The following DOCK5 variants were observed in gnomAD, a reference collection of about 807,000 sequenced individuals.
DOCK5 encodes the protein dedicator of cytokinesis 5.
A neutral mutation model predicts 251.8 loss-of-function variants in DOCK5; 142 were observed. The ratio of observed to expected loss-of-function variants is 0.56; its 90% CI spans 0.49 to 0.65. The LOEUF (loss-of-function observed/expected upper bound fraction) is 0.65, where lower values mean the gene tolerates loss of function less well. DOCK5 is among the 30% of genes least tolerant of loss of function. The probability of loss-of-function intolerance (pLI) is 0.00; values close to 1 mark genes in which losing one functional copy is unlikely to be tolerated. For missense variants in DOCK5, 2,111 were observed against 2,312.3 expected, an observed-to-expected ratio of 0.91 and a Z score of 1.79; for synonymous variants, 842 against 835.5, an observed-to-expected ratio of 1.01 and a Z score of -0.13.
intron 1 of DOCK5, among the ~76,000 whole-genome samples, chr8:25,239,617 C>G (rs991505640): frequency 1.3e-5 from 2 of 151,986 alleles, no homozygotes; most frequent in Admixed American, 1.3e-4. Context: ...ATGAGGTCTG[C>G]CAAACTAGCA....
At chr8:25,188,596 G>C (rs1432072797) in intron 1 of DOCK5, among the ~76,000 whole-genome samples, 1 of 152,198 alleles carries the variant, frequency 6.6e-6, no homozygotes, top group African/African-American at 2.4e-5. Flanking sequence ...TTTCTACAGG[G>C]ACTGAAATGC....
chr8:25,401,151 G>A, intron 47 of DOCK5, 85 bp downstream of exon 47: 7 of 1,548,720 alleles, frequency 4.5e-6, no homozygotes, highest in Non-Finnish European at 6.2e-6. Flanking sequence ...GATGCCAAGT[G>A]AGTTGTAATA....
rs773467903 is a variant in DOCK5 at position 25,372,613 on chromosome 8, C to T, written c.3579C>T (p.Phe1193=). The change falls in exon 35 of 52, where the codon TTC becomes TTT. Residue 1193 remains phenylalanine (F), a synonymous_variant. Transcript: ENST00000276440. ...HKYLSSSGEV[F]ALLVSSLLEN... is the part of the protein sequence containing the mutation. ...ACCTCTCCAGCTCTGGGGAGGTCTTCGCCCTCCTGGTCAGCAGCCTCTTAG... is the reference window on the plus strand; with the variant it reads ...ACCTCTCCAGCTCTGGGGAGGTCTTTGCCCTCCTGGTCAGCAGCCTCTTAG... 22 of 1,605,266 alleles carry T rather than the reference C, an allele frequency of 1.4e-5. No homozygotes were observed. Among genetic ancestry groups the T allele is most frequent in the South Asian group, 2.2e-5 (2 of 89,324 alleles).
chr8:25,368,769 G>A, intron 33 of DOCK5, 44 bp downstream of exon 33: 1 of 1,571,278 alleles, frequency 6.4e-7, no homozygotes, highest in Non-Finnish European at 8.7e-7. Context: ...TGGACATATA[G>A]TCAAATCATA....
Position 25,412,078 on chromosome 8 carries a change from C to CTTTTTTTTTTTTTTTTTTTTTTT in DOCK5, c.*781_*803dup, listed in dbSNP as rs56131241. The CTTTTTTTTTTTTTTTTTTTTTTT allele has an allele frequency of 2.4e-5, 2 of 82,846 alleles. No homozygotes were observed. Among genetic ancestry groups the CTTTTTTTTTTTTTTTTTTTTTTT allele is most frequent in the Non-Finnish European group, 4.2e-5 (2 of 47,912 alleles). The allele number at this position is 82,846 out of a possible 1,614,324, so 5.1% of individuals were successfully genotyped here. ...GAAGCTCTTCCTTTTGCACATACGG[C>CTTTTTTTTTTTTTTTTTTTTTTT]TTTTTTTTTTTTTTTTTTTTTTTGT... On this transcript the variant is annotated 3_prime_UTR_variant, in exon 52 of 52. Transcript: ENST00000276440.
intron 3 of DOCK5, chr8:25,271,230 T>C (rs1563332852): frequency 6.1e-6 from 1 of 164,354 alleles, no homozygotes. Flanking sequence ...AATCTCACCC[T>C]TCAGAAGAAA....
In DOCK5 at chr8:25,292,021, T is replaced by G. The variant is rs777352176; in HGVS notation, c.322-3T>G. 12 of 1,581,900 alleles carry G rather than the reference T, an allele frequency of 7.6e-6. No individual in the cohort carries two copies. Among genetic ancestry groups the G allele is most frequent in the Non-Finnish European group, 1.0e-5 (12 of 1,165,048 alleles). On this transcript the variant is annotated splice_region_variant and splice_polypyrimidine_tract_variant and intron_variant, in intron 5 of 51. Coordinates refer to ENST00000276440, the MANE Select transcript of DOCK5 (RefSeq NM_024940.8). ...TTTTCTTCATCATATTTTCTCATCTTAGAACAACAAGCTCACCCTCTTCCG... is the reference window on the plus strand; with the variant it reads ...TTTTCTTCATCATATTTTCTCATCTGAGAACAACAAGCTCACCCTCTTCCG...
At position 25,268,561 on chromosome 8, in the gene DOCK5, G is replaced by GT. The variant is rs1040237074; in HGVS notation, c.128-276dup. 1.6e-4 allele frequency among the ~76,000 whole-genome samples: 25 copies of GT among 151,878 alleles called. No homozygotes were observed. The East Asian group carries it at 2.9e-3, about 18-fold the overall frequency. On this transcript the variant is annotated intron_variant, in intron 2 of 51. Transcript: ENST00000276440. ...TGATAAGAAACGGGCTGTCTTGTTG[G>GT]TTTTTTTTGCTATTGTTCTATTCTT...
In DOCK5 at chr8:25,332,236, G is replaced by A; in HGVS notation, c.1904-15G>A. The stretch of plus-strand genomic sequence containing the variant: ...GTTCTCACCTGTATCTAATGTTTGT[G>A]GTTGTTCTTCCTAGTTGACCTGTTA... On this transcript the variant is annotated splice_polypyrimidine_tract_variant and intron_variant, in intron 18 of 51. Transcript: ENST00000276440. 1 of 1,602,330 alleles carries A rather than the reference G, an allele frequency of 6.2e-7. No individual in the cohort carries two copies. The highest frequency in any genetic ancestry group is 8.5e-7 in the Non-Finnish European group (1 of 1,169,668).
At chr8:25,261,632 C>A (rs1219375902) in intron 2 of DOCK5, among the ~76,000 whole-genome samples, 1 of 152,152 alleles carries the variant, frequency 6.6e-6, no homozygotes, top group Non-Finnish European at 1.5e-5. Context: ...TTACAAGCAA[C>A]AAAAGGCATT....
At chr8:25,302,296 C>T in intron 9 of DOCK5, 29 bp from the exon 10 acceptor site, 1 of 1,576,698 alleles carries the variant, frequency 6.3e-7, no homozygotes, top group Non-Finnish European at 8.6e-7. Context: ...CCAGCCCCAC[C>T]TCCTCTCACA....
rs114312388 is a variant in DOCK5 at position 25,186,576 on chromosome 8, G to A, written c.43+1625G>A. On this transcript the variant is annotated intron_variant, in intron 1 of 51. Coordinates refer to ENST00000276440, the MANE Select transcript of DOCK5 (RefSeq NM_024940.8). ...GTATTTTTAGTAGAAACCAGGTTTC[G>A]CCATCTGGGCCAGGCTGGTCTCAAA... is the stretch of plus-strand genomic sequence containing the variant. Among the ~76,000 whole-genome samples the A allele has an allele frequency of 7.2e-3, 1,099 of 151,994 alleles. 21 individuals carry two copies. The highest frequency in any genetic ancestry group is 0.025 in the African/African-American group (1,043 of 41,448).
intron 2 of DOCK5, among the ~76,000 whole-genome samples, chr8:25,249,824 A>C (rs1321994879): frequency 1.3e-5 from 2 of 152,208 alleles, no homozygotes; most frequent in Non-Finnish European, 2.9e-5. Flanking sequence ...GGGCTCAGGC[A>C]GTTCTCCTGC....
intron 1 of DOCK5, among the ~76,000 whole-genome samples, chr8:25,218,327 T>C (rs1327658603): frequency 6.6e-6 from 1 of 152,186 alleles, no homozygotes; most frequent in Non-Finnish European, 1.5e-5. Flanking sequence ...AGGCTCTGAT[T>C]ATCATAGGGC....
intron 28 of DOCK5, among the ~76,000 whole-genome samples, chr8:25,360,434 G>C (rs1379485468): frequency 6.6e-6 from 1 of 152,282 alleles, no homozygotes; most frequent in East Asian, 1.9e-4. Flanking sequence ...TGGGGGGTGG[G>C]GGGTGGAGGA....
chr8:25,286,887 C>T (rs1804349762), intron 5 of DOCK5, among the ~76,000 whole-genome samples: 1 of 152,012 alleles, frequency 6.6e-6, no homozygotes, highest in Non-Finnish European at 1.5e-5. Context: ...GAGTCTTTAG[C>T]CCATGCAGGT....
At position 25,325,348 on chromosome 8, in the gene DOCK5, A is replaced by C. The variant is rs1360572408; in HGVS notation, c.1720-16A>C. ...TTTTGGCCATCATTTGGTGTTCCTA[A>C]CATGCTTCCTTTTAGGGTGACAACA... On this transcript the variant is annotated splice_polypyrimidine_tract_variant and intron_variant, in intron 17 of 51. Transcript: ENST00000276440. The C allele has an allele frequency of 1.2e-6, 2 of 1,611,238 alleles. No individual in the cohort carries two copies. Among genetic ancestry groups the C allele is most frequent in the African/African-American group, 2.7e-5 (2 of 74,684 alleles).
intron 40 of DOCK5, among the ~76,000 whole-genome samples, chr8:25,383,352 G>A (rs975545091): frequency 3.3e-5 from 5 of 152,170 alleles, no homozygotes; most frequent in South Asian, 2.1e-4. Context: ...GAAAACAAGC[G>A]ATAAAGCAAG....
intron 13 of DOCK5, among the ~76,000 whole-genome samples, chr8:25,311,854 A>G (rs1218042954): frequency 6.6e-6 from 1 of 150,778 alleles, no homozygotes; most frequent in Non-Finnish European, 1.5e-5. Context: ...CCTGAGAGGC[A>G]GAGGTTTCAG....
Sources: gnomAD v4.1 joint callset for allele counts (sites outside exome capture counted in the v4.1 genomes callset) on GRCh38, gnomAD v4.1.1 for gene constraint, MANE v1.5 for transcripts, NCBI Gene and HGNC (gene_info 2026-07-23, HGNC 2026-07-21) for gene names.